Variants in ST3GAL1 observed in about 807,000 individuals in gnomAD.
The protein encoded by ST3GAL1 is ST3 beta-galactoside alpha-2,3-sialyltransferase 1.
ST3GAL1 carries 16 observed loss-of-function variants against 34.1 expected under a neutral mutation model. The observed-to-expected ratio is 0.47, with a 90% CI of 0.32 to 0.71. The LOEUF is 0.71. Among genes scored for constraint, ST3GAL1 ranks in the 30% least tolerant of loss-of-function variants. The pLI, the probability that ST3GAL1 is intolerant of heterozygous loss-of-function variation, is 0.04. For synonymous variants in ST3GAL1, 191 were observed against 184.7 expected (o/e 1.03, Z -0.28); for missense variants, 353 against 447.4 (o/e 0.79, Z 1.90).
intron 1 of ST3GAL1, among the ~76,000 whole-genome samples, chr8:133,550,387 T>G (rs544218407): frequency 6.6e-6 from 1 of 152,320 alleles, no homozygotes; most frequent in Admixed American, 6.5e-5. Context: ...AGTGTCCCCA[T>G]TTTTGGAGAG....
intron 2 of ST3GAL1, among the ~76,000 whole-genome samples, chr8:133,509,212 G>C (rs538949817): frequency 7.9e-5 from 12 of 152,232 alleles, no homozygotes; most frequent in Non-Finnish European, 1.5e-4. Flanking sequence ...TTAAAGCACA[G>C]TTCCTCAGTG....
At chr8:133,524,615 T>C (rs1653307120) in intron 2 of ST3GAL1, among the ~76,000 whole-genome samples, 1 of 152,224 alleles carries the variant, frequency 6.6e-6, no homozygotes. Context: ...AAGGGGTGTG[T>C]GGGTGAGCTA....
rs1815359491 is a variant in ST3GAL1 at position 133,457,861 on chromosome 8, A to G, written c.*1903T>C. 1 of 152,208 alleles carries G rather than the reference A, an allele frequency of 6.6e-6. No homozygotes were observed. Among genetic ancestry groups the G allele is most frequent in the Non-Finnish European group, 1.5e-5 (1 of 68,048 alleles). The allele number at this position is 152,208 out of a possible 1,614,324, so 9.4% of individuals were successfully genotyped here. On this transcript the variant is annotated 3_prime_UTR_variant, in exon 10 of 10. Coordinates refer to ENST00000522652, the MANE Select transcript of ST3GAL1 (RefSeq NM_173344.3). ...CCCCGAGCCTGGGAGCACAGGCCCC[A>G]TGCCTCCGTCACACTCCACCAGGAA...
intron 3 of ST3GAL1, among the ~76,000 whole-genome samples, chr8:133,483,417 T>G (rs1816470576): frequency 6.6e-6 from 1 of 152,068 alleles, no homozygotes; most frequent in Non-Finnish European, 1.5e-5. Flanking sequence ...AGTGAACAGC[T>G]CAGTTCCCGC....
rs115294954 is a variant in ST3GAL1 at position 133,544,602 on chromosome 8, C to T, written c.-429+1172G>A. Among the ~76,000 whole-genome samples the T allele has an allele frequency of 2.3e-3, 356 of 152,248 alleles. 2 individuals carry two copies. Among genetic ancestry groups the T allele is most frequent in the African/African-American group, 7.8e-3 (324 of 41,540 alleles). ...TATCTACCCCTTGGGAACACAGAAG[C>T]GATTGCTTCTTCCCCTTTAGAGGAG... On this transcript the variant is annotated intron_variant, in intron 2 of 9. Transcript: ENST00000522652.
At chr8:133,476,165 G>T (rs1288078328) in intron 4 of ST3GAL1, 91 bp from the exon 5 acceptor site, 3 of 938,070 alleles carry the variant, frequency 3.2e-6, no homozygotes, top group Non-Finnish European at 4.6e-6. Context: ...CACAAGGGCC[G>T]CTAAGCTCGA....
chr8:133,502,137 AT>A (rs760911064), intron 2 of ST3GAL1, among the ~76,000 whole-genome samples: 2 of 152,158 alleles, frequency 1.3e-5, no homozygotes, highest in Non-Finnish European at 2.9e-5. Flanking sequence ...GGAATAGCCA[AT>A]ATGATAATGT....
At chr8:133,533,756 C>G (rs1468588654) in intron 2 of ST3GAL1, among the ~76,000 whole-genome samples, 2 of 152,188 alleles carry the variant, frequency 1.3e-5, no homozygotes, top group Non-Finnish European at 2.9e-5. Flanking sequence ...CAATGGGTAA[C>G]AGGTGGCAAG....
In ST3GAL1 at chr8:133,461,558, CT is replaced by C. The variant is rs1815504217; in HGVS notation, c.849+316del. 6.6e-6 allele frequency among the ~76,000 whole-genome samples: 1 copy of C among 152,138 alleles called. No individual in the cohort carries two copies. The highest frequency in any genetic ancestry group is 2.1e-4 in the South Asian group (1 of 4,830). ...AGCAAGTGGGATTGAGAACTGTGGCCTTAGACAACTCTCGCTATGAGAATCC... is the reference window on the plus strand; with the variant it reads ...AGCAAGTGGGATTGAGAACTGTGGCCTAGACAACTCTCGCTATGAGAATCC... On this transcript the variant is annotated intron_variant, in intron 9 of 9. Transcript: ENST00000522652. This position sits in a 1 kb window ranked among gnomAD's most constrained non-coding sequence, Gnocchi z 4.7.
chr8:133,504,075 C>G (rs1817262207), intron 2 of ST3GAL1, among the ~76,000 whole-genome samples: 1 of 152,152 alleles, frequency 6.6e-6, no homozygotes, highest in African/African-American at 2.4e-5. Context: ...TGGGCTTTCC[C>G]AGCCTGGAGG....
intron 1 of ST3GAL1, among the ~76,000 whole-genome samples, chr8:133,552,147 A>T (rs1236503503): frequency 6.6e-6 from 1 of 152,188 alleles, no homozygotes; most frequent in Non-Finnish European, 1.5e-5. Context: ...AGCCCACTGC[A>T]GGGGGAGAGA....
chr8:133,512,479 G>T (rs187185804), intron 2 of ST3GAL1, among the ~76,000 whole-genome samples: 190 of 152,252 alleles, frequency 1.2e-3, no homozygotes, highest in African/African-American at 4.5e-3. Flanking sequence ...TGACTCAAAG[G>T]TTAATCTCCT....
In ST3GAL1 at chr8:133,461,012, G is replaced by A. The variant is rs965869941; in HGVS notation, c.849+863C>T. 1.3e-5 allele frequency among the ~76,000 whole-genome samples: 2 copies of A among 152,154 alleles called. No individual in the cohort carries two copies. The highest frequency in any genetic ancestry group is 4.8e-5 in the African/African-American group (2 of 41,422). On this transcript the variant is annotated intron_variant, in intron 9 of 9. Coordinates refer to ENST00000522652, the MANE Select transcript of ST3GAL1 (RefSeq NM_173344.3). This position sits in a 1 kb window ranked among gnomAD's most constrained non-coding sequence, Gnocchi z 4.7. Reference sequence around the variant, plus strand: ...GTTAGGGCCAAATCGGTGGGACGATGGGAGAAAGGGCTCTTGAGCAGAACC... The same window carrying A: ...GTTAGGGCCAAATCGGTGGGACGATAGGAGAAAGGGCTCTTGAGCAGAACC...
At chr8:133,493,982 C>CT (rs1321785000) in intron 3 of ST3GAL1, among the ~76,000 whole-genome samples, 1 of 152,168 alleles carries the variant, frequency 6.6e-6, no homozygotes, top group Non-Finnish European at 1.5e-5. Context: ...CAGGAAGACG[C>CT]TGGCAGGCAC....
In ST3GAL1 at chr8:133,469,741, C is replaced by T. The variant is rs978283146; in HGVS notation, c.307-3651G>A. On this transcript the variant is annotated intron_variant, in intron 5 of 9. Transcript: ENST00000522652. The surrounding 1 kb of genome is among the most constrained non-coding windows in gnomAD (Gnocchi z 4.3). ...CAAGGTGCAAAGTAAGACACCAGGC[C>T]AAACTGAAGCCCCAGCACTGCAGAG... is the stretch of plus-strand genomic sequence containing the variant. Among the ~76,000 whole-genome samples the T allele has an allele frequency of 3.3e-5, 5 of 152,222 alleles. No homozygotes were observed. Among genetic ancestry groups the T allele is most frequent in the Middle Eastern group, 3.2e-3 (1 of 316 alleles).
intron 5 of ST3GAL1, among the ~76,000 whole-genome samples, chr8:133,470,174 C>G (rs985116080): frequency 2.0e-5 from 3 of 152,226 alleles, no homozygotes; most frequent in Non-Finnish European, 4.4e-5. Context: ...AATCCCAACA[C>G]TTTGCGAGGC....
intron 1 of ST3GAL1, among the ~76,000 whole-genome samples, chr8:133,549,491 T>G (rs1158444128): frequency 6.6e-6 from 1 of 152,156 alleles, no homozygotes; most frequent in Non-Finnish European, 1.5e-5. Context: ...CTCCACAGCC[T>G]GGCACCTGTG....
At chr8:133,542,344 G>A (rs1485853313) in intron 2 of ST3GAL1, among the ~76,000 whole-genome samples, 1 of 152,198 alleles carries the variant, frequency 6.6e-6, no homozygotes, top group South Asian at 2.1e-4. Context: ...CTCAAATGAC[G>A]ATGGAGAAAT....
intron 2 of ST3GAL1, among the ~76,000 whole-genome samples, chr8:133,505,952 G>A (rs1398526088): frequency 6.6e-6 from 1 of 151,984 alleles, no homozygotes; most frequent in Non-Finnish European, 1.5e-5. Context: ...GTCCTCAGTT[G>A]CACTCATTAA....
Sources: allele counts gnomAD v4.1 joint callset (sites outside exome capture counted in the v4.1 genomes callset), GRCh38; gene constraint gnomAD v4.1.1; non-coding constraint Gnocchi (gnomAD v3.1); transcripts MANE v1.5; gene names NCBI Gene and HGNC (gene_info 2026-07-23, HGNC 2026-07-21).